PREPL: variants seen among roughly 807,000 people sequenced by gnomAD.
PREPL encodes the protein prolyl endopeptidase like.
PREPL carries 77 observed loss-of-function variants against 70.6 expected under a neutral mutation model. That is an observed-to-expected ratio of 1.09 (90% CI 0.91 to 1.32). The LOEUF is 1.32. Ranked by LOEUF, PREPL falls within the 40% of genes most tolerant of loss-of-function variation. The pLI is 0.00. For missense variants in PREPL, 1,002 were observed against 778.2 expected (o/e 1.29, Z -3.42); for synonymous variants, 315 against 264.8 (o/e 1.19, Z -1.84).
intron 8 of PREPL, among the ~76,000 whole-genome samples, chr2:44,330,868 G>C (rs1309507081): frequency 6.6e-6 from 1 of 151,902 alleles, no homozygotes; most frequent in Non-Finnish European, 1.5e-5. Context: ...TTCCTTTTCT[G>C]TGTCTCATCT....
intron 7 of PREPL, among the ~76,000 whole-genome samples, chr2:44,334,193 C>T (rs1188120605): frequency 2.0e-5 from 3 of 152,120 alleles, no homozygotes; most frequent in African/African-American, 4.8e-5. Flanking sequence ...TGCAGTGTAT[C>T]TGTGTATATT....
In PREPL at chr2:44,320,403, C is replaced by T. The variant is rs973226196; in HGVS notation, c.*953G>A. 1.7e-5 allele frequency: 28 copies of T among 1,613,874 alleles called. No individual in the cohort carries two copies. Among genetic ancestry groups the T allele is most frequent in the Non-Finnish European group, 2.3e-5 (27 of 1,179,858 alleles). On this transcript the variant is annotated 3_prime_UTR_variant, in exon 14 of 14. Coordinates refer to ENST00000409411, the MANE Select transcript of PREPL (RefSeq NM_001171613.2). ...TGGAGAATCAACACTGTTAAATCTA[C>T]ATAATATGATTTCGGGCCTTCCCGC...
chr2:44,361,597 T>A (rs1677827422), upstream of PREPL: 2 of 165,982 alleles, frequency 1.2e-5, no homozygotes, highest in African/African-American at 4.8e-5. Context: ...ACAGGCAGAT[T>A]TCGCCATCTT....
intron 1 of PREPL, among the ~76,000 whole-genome samples, chr2:44,353,327 T>C (rs1558519113): frequency 6.6e-6 from 1 of 152,106 alleles, no homozygotes; most frequent in Non-Finnish European, 1.5e-5. Context: ...CTCATGCCTG[T>C]AATCCCAGCA....
intron 13 of PREPL, 168 bp downstream of exon 13, chr2:44,321,659 C>T: frequency 6.6e-7 from 1 of 1,523,976 alleles, no homozygotes; most frequent in Non-Finnish European, 8.8e-7. Flanking sequence ...AAGAGAGAGA[C>T]ATTTCTCTTG....
At chr2:44,351,089 A>ATTT (rs112509073) in intron 1 of PREPL, among the ~76,000 whole-genome samples, 13 of 136,576 alleles carry the variant, frequency 9.5e-5, no homozygotes, top group Non-Finnish European at 1.4e-4. Flanking sequence ...ACGCTGGCTA[A>ATTT]TTTTTTTTTT....
intron 8 of PREPL, among the ~76,000 whole-genome samples, chr2:44,331,876 T>G (rs763345602): frequency 3.9e-5 from 6 of 152,164 alleles, no homozygotes; most frequent in Non-Finnish European, 8.8e-5. Flanking sequence ...TAATTTTTTC[T>G]TAAAATCAAC....
chr2:44,326,977 T>C (rs1553352887), intron 9 of PREPL, 49 bp from the exon 10 acceptor site: 2 of 1,517,172 alleles, frequency 1.3e-6, no homozygotes, highest in Non-Finnish European at 1.8e-6. Context: ...AAGTTAATAC[T>C]GTAGGCTGGG....
Position 44,320,261 on chromosome 2 carries a change from C to T in PREPL, c.*1095G>A. The stretch of plus-strand genomic sequence containing the variant: ...ATCAAGATTTAAGTCTACTTCATGC[C>T]AATGAGCTACTCCTCAACAGGGGCT... On this transcript the variant is annotated 3_prime_UTR_variant, in exon 14 of 14. Transcript: ENST00000409411. 14 of 1,614,002 alleles carry T rather than the reference C, an allele frequency of 8.7e-6. No individual in the cohort carries two copies. The highest frequency in any genetic ancestry group is 1.2e-5 in the Non-Finnish European group (14 of 1,179,910).
In PREPL at chr2:44,322,766, T is replaced by G; in HGVS notation, c.1718A>C (p.Glu573Ala). 1 of 1,613,988 alleles carries G rather than the reference T, an allele frequency of 6.2e-7. No individual in the cohort carries two copies. The highest frequency in any genetic ancestry group is 8.5e-7 in the Non-Finnish European group (1 of 1,179,866). Reference sequence around the variant, plus strand: ...GTCCTTAGCATGCTCCGCGATGGCTTCCTTGAGTTTCTCAGTATAACTTAC... The same window carrying G: ...GTCCTTAGCATGCTCCGCGATGGCTGCCTTGAGTTTCTCAGTATAACTTAC... ...GIVSYTEKLK[E>A]AIAEHAKDTG... is the part of the protein sequence containing the mutation. The change falls in exon 12 of 14, where the codon GAA (glutamate) becomes GCA (alanine). Residue 573 changes from glutamate to alanine, a missense_variant. Glu to Ala is a moderately radical substitution (Grantham distance 107). Transcript: ENST00000409411.
rs2104398493 is a variant in PREPL at position 44,318,182 on chromosome 2, C to T, written c.*3174G>A. The T allele has an allele frequency of 2.3e-6, 1 of 430,636 alleles. No homozygotes were observed. Among genetic ancestry groups the T allele is most frequent in the African/African-American group, 2.1e-5 (1 of 47,804 alleles). 26.7% of individuals were successfully genotyped at this position (430,636 alleles called of 1,614,324 possible). On this transcript the variant is annotated 3_prime_UTR_variant, in exon 14 of 14. Coordinates refer to ENST00000409411, the MANE Select transcript of PREPL (RefSeq NM_001171613.2). ...CTCGGCACACTGCAGCCTCTGCTTC[C>T]TGGGTTCAAGTGATTCTCCTGCTGC...
chr2:44,331,169 C>A (rs1205292381), intron 8 of PREPL, among the ~76,000 whole-genome samples: 2 of 152,164 alleles, frequency 1.3e-5, no homozygotes, highest in Non-Finnish European at 1.5e-5. Flanking sequence ...TTTCTAACTT[C>A]TGGGCTCAAG....
intron 9 of PREPL, among the ~76,000 whole-genome samples, chr2:44,328,438 CAAAA>C (rs1194898905): frequency 0.11 from 6,919 of 61,068 alleles, 58 homozygotes; most frequent in Middle Eastern, 0.17. Flanking sequence ...CTGTCTCAAA[CAAAA>C]AAAAAAAAAA....
Position 44,339,230 on chromosome 2 carries a change from T to G in PREPL, c.619A>C (p.Ile207Leu). The change falls in exon 6 of 14, where the codon ATA (isoleucine) becomes CTA (leucine). Residue 207 changes from isoleucine (I) to leucine (L), a missense_variant. Ile to Leu is a conservative substitution (Grantham distance 5). Transcript: ENST00000409411. ...TCAACATAGTAAAGGACCCCATGTATTCGCTTCTGGATAAGTACTGGTGGG... is the reference window on the plus strand; with the variant it reads ...TCAACATAGTAAAGGACCCCATGTAGTCGCTTCTGGATAAGTACTGGTGGG... ...WDPPVLIQKR[I>L]HGVLYYVEHR... The G allele has an allele frequency of 6.2e-7, 1 of 1,614,058 alleles. No homozygotes were observed. Among genetic ancestry groups the G allele is most frequent in the South Asian group, 1.1e-5 (1 of 91,078 alleles).
At chr2:44,343,640 G>A in intron 4 of PREPL, 105 bp downstream of exon 4, 4 of 974,402 alleles carry the variant, frequency 4.1e-6, no homozygotes, top group Admixed American at 1.9e-5. Flanking sequence ...AGGGATACAT[G>A]AATCAGGCAT....
intron 7 of PREPL, among the ~76,000 whole-genome samples, chr2:44,338,070 T>C (rs149076437): frequency 3.9e-5 from 6 of 152,256 alleles, no homozygotes; most frequent in African/African-American, 7.2e-5. Flanking sequence ...ATATGTGAGG[T>C]AGAGAGATAT....
At position 44,323,323 on chromosome 2, in the gene PREPL, G is replaced by C. The variant is rs1673168126; in HGVS notation, c.1568C>G (p.Ser523Cys). ...EELEEWGNPS[S>C]DEKHKNYIKR... is the part of the protein sequence containing the mutation. ...TATGTAGTTCTTGTGTTTTTCATCA[G>C]ATGAAGGATTCCCCCATTCTTCTAA... The change falls in exon 11 of 14, where the codon TCT becomes TGT. Residue 523 changes from serine to cysteine, a missense_variant. Coordinates refer to ENST00000409411, the MANE Select transcript of PREPL (RefSeq NM_001171613.2). The C allele has an allele frequency of 6.2e-7, 1 of 1,606,494 alleles. No homozygotes were observed. Among genetic ancestry groups the C allele is most frequent in the Non-Finnish European group, 8.5e-7 (1 of 1,173,564 alleles).
chr2:44,321,426 A>C lies in PREPL; in HGVS notation c.1847T>G (p.Phe616Cys), dbSNP rs1327380063. The part of the protein sequence containing the change: ...SHKKITAQIK[F>C]LYEELGLDST... ...GTCAAGTCCAAGTTCCTCGTACAGGAATTTAATTTGGGCTGTAATCTAAAA... is the reference window on the plus strand; with the variant it reads ...GTCAAGTCCAAGTTCCTCGTACAGGCATTTAATTTGGGCTGTAATCTAAAA... The change falls in exon 14 of 14, where the codon TTC becomes TGC. Residue 616 changes from phenylalanine (F) to cysteine (C), a missense_variant. By Grantham distance (205) the Phe-to-Cys change is radical (BLOSUM62 -2). Coordinates refer to ENST00000409411, the MANE Select transcript of PREPL (RefSeq NM_001171613.2). The C allele has an allele frequency of 1.9e-6, 3 of 1,612,822 alleles. No homozygotes were observed. Among genetic ancestry groups the C allele is most frequent in the Non-Finnish European group, 2.5e-6 (3 of 1,179,144 alleles).
intron 7 of PREPL, among the ~76,000 whole-genome samples, chr2:44,335,182 G>C (rs904081053): frequency 6.6e-6 from 1 of 152,070 alleles, no homozygotes; most frequent in Non-Finnish European, 1.5e-5. Context: ...AGAAGATACA[G>C]AATAAATTAA....
Sources: allele counts gnomAD v4.1 joint callset (sites outside exome capture counted in the v4.1 genomes callset), GRCh38; gene constraint gnomAD v4.1.1; transcripts MANE v1.5; gene names NCBI Gene and HGNC (gene_info 2026-07-23, HGNC 2026-07-21).